ACOX3: variants seen among roughly 807,000 people sequenced by gnomAD.
ACOX3 encodes the protein acyl-CoA oxidase 3, pristanoyl, also known as peroxisomal acyl-coenzyme A oxidase 3.
A neutral mutation model predicts 81.5 loss-of-function variants in ACOX3; 73 were observed. That is an observed-to-expected ratio of 0.90 (90% CI 0.74 to 1.09). The LOEUF (loss-of-function observed/expected upper bound fraction) is 1.09, where lower values mean the gene tolerates loss of function less well. ACOX3 is among the 50% of genes least tolerant of loss of function. The pLI is 0.00. For synonymous variants in ACOX3, 387 were observed against 375.1 expected (o/e 1.03, Z -0.37); for missense variants, 947 against 928.0 (o/e 1.02, Z -0.27).
intron 3 of ACOX3, among the ~76,000 whole-genome samples, chr4:8,415,359 G>A (rs933673562): frequency 6.6e-6 from 1 of 151,864 alleles, no homozygotes; most frequent in African/African-American, 2.4e-5. Context: ...CTGCTGGTAT[G>A]TTACAAAGGA....
In ACOX3 at chr4:8,416,617, C is replaced by T. The variant is rs1188283000; in HGVS notation, c.-14-82G>A. Reference sequence around the variant, plus strand: ...CCCACCAACAGGAGAGCCCGCAACACCTTACAAATCAGAGAAAAGTAAACT... The same window carrying T: ...CCCACCAACAGGAGAGCCCGCAACATCTTACAAATCAGAGAAAAGTAAACT... On this transcript the variant is annotated intron_variant, in intron 1 of 17. Coordinates refer to ENST00000356406, the MANE Select transcript of ACOX3 (RefSeq NM_003501.3). The surrounding 1 kb of genome is among the most constrained non-coding windows in gnomAD (Gnocchi z 4.2). 7.2e-7 allele frequency: 1 copy of T among 1,394,018 alleles called. No homozygotes were observed. The highest frequency in any genetic ancestry group is 1.5e-5 in the African/African-American group (1 of 68,378). 86.4% of individuals were successfully genotyped at this position (1,394,018 alleles called of 1,614,324 possible).
At chr4:8,369,332 C>T (rs917113522) in intron 17 of ACOX3, among the ~76,000 whole-genome samples, 2 of 152,280 alleles carry the variant, frequency 1.3e-5, no homozygotes, top group African/African-American at 4.8e-5. Context: ...CTCTCCTATG[C>T]GCTCCCCCAG....
intron 7 of ACOX3, among the ~76,000 whole-genome samples, chr4:8,403,158 C>T (rs1193974979): frequency 6.6e-6 from 1 of 152,236 alleles, no homozygotes; most frequent in Non-Finnish European, 1.5e-5. Flanking sequence ...AGGCAGTCAT[C>T]CCACATACTC....
intron 11 of ACOX3, 121 bp downstream of exon 11, chr4:8,392,212 A>G (rs1719076894): frequency 7.9e-7 from 1 of 1,270,760 alleles, no homozygotes; most frequent in South Asian, 2.3e-5. Flanking sequence ...ATAAAACTTT[A>G]TTTGCAAAAA....
At chr4:8,433,295 C>T (rs1413196856) in intron 1 of ACOX3, among the ~76,000 whole-genome samples, 1 of 152,190 alleles carries the variant, frequency 6.6e-6, no homozygotes, top group Non-Finnish European at 1.5e-5. Flanking sequence ...TGGCCCTAAT[C>T]CAATATGAAT....
chr4:8,389,125 A>G lies in ACOX3; in HGVS notation c.1537+48T>C, dbSNP rs1201062150. ...AGGCACGGTGCGTTTCCTGGTGGGA[A>G]TGACAGGAAATCAGGAGGCCAGGGG... On this transcript the variant is annotated intron_variant, in intron 13 of 17. Transcript: ENST00000356406. This position sits in a 1 kb window ranked among gnomAD's most constrained non-coding sequence, Gnocchi z 5.3. 5 of 1,506,268 alleles carry G rather than the reference A, an allele frequency of 3.3e-6. No individual in the cohort carries two copies. The African/African-American group carries it at 6.9e-5, about 21-fold the overall frequency. 93.3% of individuals were successfully genotyped at this position (1,506,268 alleles called of 1,614,324 possible). A position where few individuals can be genotyped will look rare whatever the true frequency, so the allele number is the denominator to read the frequency against.
chr4:8,357,589 A>G, the ACOX3 span: 1 of 276,084 alleles, frequency 3.6e-6, no homozygotes, highest in Non-Finnish European at 7.1e-6. Context: ...TATTCCAATT[A>G]TTCAAGTTTT....
rs374939039 is a variant in ACOX3 at position 8,370,589 on chromosome 4, C to T, written c.1983+319G>A. ...GGGTAAGACCTGGGACCGGGGAGGC[C>T]GGGGGGAGTGGGAGGAGGGCAGAGG... On this transcript the variant is annotated intron_variant, in intron 17 of 17. Coordinates refer to ENST00000356406, the MANE Select transcript of ACOX3 (RefSeq NM_003501.3). This position sits in a 1 kb window ranked among gnomAD's most constrained non-coding sequence, Gnocchi z 6.3. Among the ~76,000 whole-genome samples the T allele has an allele frequency of 8.1e-4, 111 of 137,336 alleles. 1 individual carries two copies. The East Asian group carries it at 9.7e-3, about 12-fold the overall frequency. 90.1% of individuals were successfully genotyped at this position (137,336 alleles called of 152,430 possible).
rs1716040298 is a variant in ACOX3 at position 8,370,478 on chromosome 4, G to T, written c.1983+430C>A. On this transcript the variant is annotated intron_variant, in intron 17 of 17. Coordinates refer to ENST00000356406, the MANE Select transcript of ACOX3 (RefSeq NM_003501.3). The surrounding 1 kb of genome is among the most constrained non-coding windows in gnomAD (Gnocchi z 6.3). ...GAGAGTAACCCCGGTGACAACCATG[G>T]ATGGTCAGAGGGGACAGAGGGGCCT... Among the ~76,000 whole-genome samples, 1 of 151,926 alleles carries T rather than the reference G, an allele frequency of 6.6e-6. No homozygotes were observed. The highest frequency in any genetic ancestry group is 1.5e-5 in the Non-Finnish European group (1 of 67,970).
At chr4:8,393,316 T>C (rs1941771742) in intron 10 of ACOX3, among the ~76,000 whole-genome samples, 1 of 85,898 alleles carries the variant, frequency 1.2e-5, no homozygotes, top group Admixed American at 9.9e-5. Context: ...TGACACCCTG[T>C]CTCTACTGAA....
At position 8,389,818 on chromosome 4, in the gene ACOX3, T is replaced by C; in HGVS notation, c.1301-84A>G. Reference sequence around the variant, plus strand: ...CACTATGTGAGAATTTAAAAAGCCTTAAGAGGCTGGGTGCGGTGGCTCACA... The same window carrying C: ...CACTATGTGAGAATTTAAAAAGCCTCAAGAGGCTGGGTGCGGTGGCTCACA... On this transcript the variant is annotated intron_variant, in intron 11 of 17. Transcript: ENST00000356406. This position sits in a 1 kb window ranked among gnomAD's most constrained non-coding sequence, Gnocchi z 5.3. The C allele has an allele frequency of 6.4e-7, 1 of 1,565,830 alleles. No individual in the cohort carries two copies. Among genetic ancestry groups the C allele is most frequent in the South Asian group, 1.1e-5 (1 of 88,756 alleles).
Position 8,416,239 on chromosome 4 carries a change from A to G in ACOX3, c.144+139T>C. The G allele has an allele frequency of 7.2e-7, 1 of 1,396,292 alleles. No homozygotes were observed. Among genetic ancestry groups the G allele is most frequent in the Non-Finnish European group, 1.0e-6 (1 of 995,956 alleles). The allele number at this position is 1,396,292 out of a possible 1,614,324, so 86.5% of individuals were successfully genotyped here. On this transcript the variant is annotated intron_variant, in intron 2 of 17. Transcript: ENST00000356406. This position sits in a 1 kb window ranked among gnomAD's most constrained non-coding sequence, Gnocchi z 4.2. ...TTCCCTGAGGCCTGTCCTGGGGTGCAGAGAGGAGAGAGGCCGCGCTGCCTG... is the reference window on the plus strand; with the variant it reads ...TTCCCTGAGGCCTGTCCTGGGGTGCGGAGAGGAGAGAGGCCGCGCTGCCTG...
chr4:8,396,035 G>A (rs913592368), intron 9 of ACOX3, among the ~76,000 whole-genome samples: 1 of 152,228 alleles, frequency 6.6e-6, no homozygotes, highest in Non-Finnish European at 1.5e-5. Context: ...AGAGCACAGG[G>A]CACGTTCGCT....
Position 8,406,058 on chromosome 4 carries a change from A to G in ACOX3, c.688-15T>C, listed in dbSNP as rs1425994791. The G allele has an allele frequency of 6.2e-7, 1 of 1,611,280 alleles. No homozygotes were observed. The highest frequency in any genetic ancestry group is 8.5e-7 in the Non-Finnish European group (1 of 1,177,678). ...GGGTCCCGGATCTATACAAAGCCAC[A>G]GAAAGCAGCAAACAGCAACTGTTAC... On this transcript the variant is annotated splice_polypyrimidine_tract_variant and intron_variant, in intron 6 of 17. Coordinates refer to ENST00000356406, the MANE Select transcript of ACOX3 (RefSeq NM_003501.3). The surrounding 1 kb of genome is among the most constrained non-coding windows in gnomAD (Gnocchi z 5.6).
intron 15 of ACOX3, 55 bp downstream of exon 15, chr4:8,374,923 A>G (rs943984284): frequency 2.1e-6 from 3 of 1,448,340 alleles, no homozygotes; most frequent in African/African-American, 2.9e-5. Context: ...TCCTAGATAC[A>G]ACACGGGGGC....
In ACOX3 at chr4:8,394,878, C is replaced by T; in HGVS notation, c.1057-136G>A. Reference sequence around the variant, plus strand: ...ACTAGCGCTGAAGGTCTTCACATGTCTTCCCGGCACATCAGAAAGCCTTCA... The same window carrying T: ...ACTAGCGCTGAAGGTCTTCACATGTTTTCCCGGCACATCAGAAAGCCTTCA... On this transcript the variant is annotated intron_variant, in intron 9 of 17. Coordinates refer to ENST00000356406, the MANE Select transcript of ACOX3 (RefSeq NM_003501.3). The surrounding 1 kb of genome is among the most constrained non-coding windows in gnomAD (Gnocchi z 5.9). 1 of 1,186,638 alleles carries T rather than the reference C, an allele frequency of 8.4e-7. No homozygotes were observed. Among genetic ancestry groups the T allele is most frequent in the South Asian group, 1.6e-5 (1 of 62,018 alleles). The allele number at this position is 1,186,638 out of a possible 1,614,324, so 73.5% of individuals were successfully genotyped here. A position where few individuals can be genotyped will look rare whatever the true frequency, so the allele number is the denominator to read the frequency against.
In ACOX3 at chr4:8,373,974, G is replaced by A. The variant is rs973717630; in HGVS notation, c.1829-346C>T. 3 of 353,382 alleles carry A rather than the reference G, an allele frequency of 8.5e-6. No homozygotes were observed. The South Asian group carries it at 9.4e-5, about 11-fold the overall frequency. 21.9% of individuals were successfully genotyped at this position (353,382 alleles called of 1,614,324 possible). On this transcript the variant is annotated intron_variant, in intron 15 of 17. Coordinates refer to ENST00000356406, the MANE Select transcript of ACOX3 (RefSeq NM_003501.3). Reference sequence around the variant, plus strand: ...TTCCTCGGGAGAAAGTGAGGAAGGGGCTCCTGGGCAGAGTGAAGCAGGGGT... The same window carrying A: ...TTCCTCGGGAGAAAGTGAGGAAGGGACTCCTGGGCAGAGTGAAGCAGGGGT...
intron 3 of ACOX3, among the ~76,000 whole-genome samples, chr4:8,415,414 T>A (rs1428525887): frequency 2.0e-5 from 3 of 151,654 alleles, no homozygotes; most frequent in Non-Finnish European, 4.4e-5. Context: ...TTTAAATTTT[T>A]TTATTTTTTT....
Position 8,414,956 on chromosome 4 carries a change from A to AG in ACOX3, c.379-29dup. On this transcript the variant is annotated intron_variant, in intron 3 of 17. Transcript: ENST00000356406. This position sits in a 1 kb window ranked among gnomAD's most constrained non-coding sequence, Gnocchi z 6.1. The stretch of plus-strand genomic sequence containing the variant: ...GAAAGTATAACATCGTCCTATCAAC[A>AG]GGGGGCAGGTAAGAAGAGTACTGCT... 2 of 1,608,164 alleles carry AG rather than the reference A, an allele frequency of 1.2e-6. No homozygotes were observed. Among genetic ancestry groups the AG allele is most frequent in the Non-Finnish European group, 1.7e-6 (2 of 1,174,562 alleles).
Sources: gnomAD v4.1 joint callset for allele counts (sites outside exome capture counted in the v4.1 genomes callset) on GRCh38, gnomAD v4.1.1 for gene constraint, Gnocchi (gnomAD v3.1) non-coding constraint, MANE v1.5 for transcripts, NCBI Gene and HGNC (gene_info 2026-07-23, HGNC 2026-07-21) for gene names.